The following CNTFR variants were observed in gnomAD, a reference collection of about 807,000 sequenced individuals.
CNTFR encodes the protein ciliary neurotrophic factor receptor, also known as ciliary neurotrophic factor receptor subunit alpha.
CNTFR carries 12 observed loss-of-function variants against 40.4 expected under a neutral mutation model. That is an observed-to-expected ratio of 0.30 (90% confidence interval 0.19 to 0.48). The LOEUF is 0.48. CNTFR is among the 20% of genes least tolerant of loss of function. The pLI is 0.99. For synonymous variants in CNTFR, 202 were observed against 209.6 expected (o/e 0.96, Z 0.31); for missense variants, 414 against 506.8 (o/e 0.82, Z 1.76).
chr9:34,578,174 G>A (rs1469123290), intron 2 of CNTFR, among the ~76,000 whole-genome samples: 1 of 152,108 alleles, frequency 6.6e-6, no homozygotes, highest in African/African-American at 2.4e-5. Context: ...GGTGGGCGAG[G>A]GGCCGGGCCG....
intron 1 of CNTFR, among the ~76,000 whole-genome samples, chr9:34,583,311 A>G (rs1827399802): frequency 6.6e-6 from 1 of 152,236 alleles, no homozygotes. Flanking sequence ...TTTCCACTGC[A>G]TGGGTATAAC....
intron 2 of CNTFR, among the ~76,000 whole-genome samples, chr9:34,569,307 G>C (rs1826468109): frequency 6.6e-6 from 1 of 152,182 alleles, no homozygotes; most frequent in South Asian, 2.1e-4. Flanking sequence ...GATGGTAGAA[G>C]GCAACCTATG....
chr9:34,574,841 G>A (rs903982843), intron 2 of CNTFR, among the ~76,000 whole-genome samples: 2 of 152,240 alleles, frequency 1.3e-5, no homozygotes, highest in Non-Finnish European at 2.9e-5. Context: ...CCTGCTGCAC[G>A]TGTGTGCGGG....
At chr9:34,559,789 G>A (rs1279725942) in intron 4 of CNTFR, among the ~76,000 whole-genome samples, 1 of 152,190 alleles carries the variant, frequency 6.6e-6, no homozygotes, top group African/African-American at 2.4e-5. Context: ...AGTGTGCAGA[G>A]TCCGCTCCCT....
chr9:34,560,100 A>G (rs1461974349), intron 4 of CNTFR, among the ~76,000 whole-genome samples: 1 of 152,166 alleles, frequency 6.6e-6, no homozygotes, highest in Admixed American at 6.5e-5. Flanking sequence ...GGTTTCTCAG[A>G]GGGAAAAGGA....
At chr9:34,582,276 C>CAAAAAAAAAAAA (rs10601840) in intron 1 of CNTFR, 7 of 126,538 alleles carry the variant, frequency 5.5e-5, no homozygotes, top group African/African-American at 2.2e-4. Context: ...AACCCTATGG[C>CAAAAAAAAAAAA]AAAAAAAAAA....
At chr9:34,562,653 G>A (rs1420330224) in intron 4 of CNTFR, among the ~76,000 whole-genome samples, 1 of 152,186 alleles carries the variant, frequency 6.6e-6, no homozygotes, top group African/African-American at 2.4e-5. Flanking sequence ...ATAAGGAGAC[G>A]ACTTTTGGGC....
intron 2 of CNTFR, among the ~76,000 whole-genome samples, chr9:34,570,753 G>A (rs1443495498): frequency 2.6e-5 from 4 of 152,146 alleles, no homozygotes; most frequent in East Asian, 3.8e-4. Flanking sequence ...GATATACCCC[G>A]AGAAAGTGCC....
chr9:34,581,641 G>A (rs922037246), intron 1 of CNTFR, among the ~76,000 whole-genome samples: 1 of 152,182 alleles, frequency 6.6e-6, no homozygotes, highest in South Asian at 2.1e-4. Flanking sequence ...TTATATGCCA[G>A]GAACTGTGTT....
At chr9:34,566,735 C>T (rs1210383033) in intron 3 of CNTFR, among the ~76,000 whole-genome samples, 2 of 152,280 alleles carry the variant, frequency 1.3e-5, no homozygotes, top group African/African-American at 2.4e-5. Flanking sequence ...TCAACGCTAA[C>T]GTGGACCCAG....
At chr9:34,576,756 A>G (rs986704221) in intron 2 of CNTFR, among the ~76,000 whole-genome samples, 2 of 152,194 alleles carry the variant, frequency 1.3e-5, no homozygotes, top group Non-Finnish European at 2.9e-5. Flanking sequence ...AAAGGCCCAG[A>G]AATCAGCCGA....
chr9:34,566,884 C>T (rs116487176), intron 3 of CNTFR, among the ~76,000 whole-genome samples: 2,187 of 152,166 alleles, frequency 0.014, 65 homozygotes, highest in African/African-American at 0.05. Flanking sequence ...AGAAACGCAA[C>T]CTGACAATAA....
intron 4 of CNTFR, among the ~76,000 whole-genome samples, chr9:34,558,846 A>G (rs1310701074): frequency 6.6e-6 from 1 of 152,188 alleles, no homozygotes. Context: ...AGTAAGCCAG[A>G]GCTAAACCCC....
intron 1 of CNTFR, among the ~76,000 whole-genome samples, chr9:34,587,226 T>A (rs1827582394): frequency 6.6e-6 from 1 of 152,160 alleles, no homozygotes; most frequent in Admixed American, 6.5e-5. Context: ...AGTTCTAGTG[T>A]AAGTCTGAGT....
intron 2 of CNTFR, chr9:34,570,207 G>C (rs571789605): frequency 2.6e-5 from 4 of 152,328 alleles, no homozygotes; most frequent in Admixed American, 2.0e-4. Flanking sequence ...CCACCAGACA[G>C]AACCCCAAAG....
chr9:34,559,808 G>A (rs1587127513), intron 4 of CNTFR, among the ~76,000 whole-genome samples: 1 of 152,090 alleles, frequency 6.6e-6, no homozygotes, highest in South Asian at 2.1e-4. Context: ...CTGCTGCCCC[G>A]GACTCCTCGG....
intron 2 of CNTFR, chr9:34,569,899 A>T (rs1176951497): frequency 6.6e-6 from 1 of 152,262 alleles, no homozygotes; most frequent in Non-Finnish European, 1.5e-5. Flanking sequence ...AGAAGCCAGG[A>T]TGGATCCAGT....
intron 3 of CNTFR, 87 bp downstream of exon 3, chr9:34,568,810 G>C (rs1826431675): frequency 8.3e-7 from 1 of 1,198,372 alleles, no homozygotes; most frequent in South Asian, 1.3e-5. Context: ...TGTGACTCTT[G>C]GGTAGTGTCA....
intron 1 of CNTFR, among the ~76,000 whole-genome samples, chr9:34,584,224 T>C (rs1311506656): frequency 6.6e-6 from 1 of 152,366 alleles, no homozygotes; most frequent in African/African-American, 2.4e-5. Flanking sequence ...GGAAATTCTC[T>C]GCAGTTATTT....
Sources: allele counts gnomAD v4.1 joint callset (sites outside exome capture counted in the v4.1 genomes callset), GRCh38; gene constraint gnomAD v4.1.1; transcripts MANE v1.5; gene names NCBI Gene and HGNC (gene_info 2026-07-23, HGNC 2026-07-21).